The following HYCC2 variants were observed in gnomAD, a reference collection of about 807,000 sequenced individuals.
The protein encoded by HYCC2 is hyccin PI4KA lipid kinase complex subunit 2, also known as hyccin 2.
At chr2:201,067,939 T>A in the HYCC2 span, among the ~76,000 whole-genome samples, 2 of 152,098 alleles carry the variant, frequency 1.3e-5, no homozygotes, top group Non-Finnish European at 2.9e-5. Context: ...ACCAAAACAT[T>A]CAGCACAATT....
the HYCC2 span, chr2:200,975,009 A>G: frequency 6.6e-6 from 1 of 151,976 alleles, no homozygotes; most frequent in Non-Finnish European, 1.5e-5. Context: ...TATACAATAT[A>G]CCAATTTTAG....
the HYCC2 span, among the ~76,000 whole-genome samples, chr2:201,008,665 CAGG>C: frequency 1.3e-5 from 2 of 151,930 alleles, no homozygotes; most frequent in Non-Finnish European, 2.9e-5. Flanking sequence ...GAGGCTGAGG[CAGG>C]AGAAGTGCTT....
chr2:201,036,594 C>T, the HYCC2 span, among the ~76,000 whole-genome samples: 29 of 152,258 alleles, frequency 1.9e-4, no homozygotes, highest in South Asian at 1.7e-3. Context: ...GTTCAACAAA[C>T]GCAAATCAAT....
the HYCC2 span, among the ~76,000 whole-genome samples, chr2:201,010,262 T>G: frequency 6.6e-6 from 1 of 152,218 alleles, no homozygotes; most frequent in African/African-American, 2.4e-5. Flanking sequence ...GACATTCTAT[T>G]TTAAACACAA....
chr2:200,992,484 G>A, the HYCC2 span: 1 of 733,076 alleles, frequency 1.4e-6, no homozygotes. Flanking sequence ...CATACCAAGT[G>A]TTACGTCATT....
chr2:201,021,994 CT>C, the HYCC2 span: 1 of 999,212 alleles, frequency 1.0e-6, no homozygotes, highest in South Asian at 1.3e-5. Flanking sequence ...AATAAGCAAG[CT>C]TTTAGTGGTA....
the HYCC2 span, chr2:201,017,225 GTTT>G: frequency 7.5e-6 from 8 of 1,067,858 alleles, no homozygotes; most frequent in South Asian, 1.9e-5. Context: ...TGTAACTGTT[GTTT>G]TTTTTTTTTT....
chr2:201,005,855 C>T, the HYCC2 span, among the ~76,000 whole-genome samples: 216 of 152,064 alleles, frequency 1.4e-3, no homozygotes, highest in Middle Eastern at 3.4e-3. Flanking sequence ...TTTTCTGAGA[C>T]GGAGTTTCAC....
chr2:201,014,514 T>A, the HYCC2 span, among the ~76,000 whole-genome samples: 1 of 152,214 alleles, frequency 6.6e-6, no homozygotes, highest in Non-Finnish European at 1.5e-5. Flanking sequence ...CTACTAACAA[T>A]GTTTTCTTTT....
chr2:201,042,399 G>T, the HYCC2 span, among the ~76,000 whole-genome samples: 1 of 151,766 alleles, frequency 6.6e-6, no homozygotes, highest in South Asian at 2.1e-4. Flanking sequence ...AGTGAGGAGC[G>T]TCTCTGCCCG....
At chr2:201,023,872 A>G in the HYCC2 span, 1 of 1,001,368 alleles carries the variant, frequency 1.0e-6, no homozygotes, top group Non-Finnish European at 1.6e-6. Context: ...CATAGAGCAC[A>G]TAATGTTTCT....
chr2:201,065,442 T>C, the HYCC2 span, among the ~76,000 whole-genome samples: 1 of 152,224 alleles, frequency 6.6e-6, no homozygotes, highest in Non-Finnish European at 1.5e-5. Context: ...TCAGTTTCTC[T>C]GGAACAAATG....
the HYCC2 span, chr2:201,071,600 C>T: frequency 2.6e-5 from 4 of 153,028 alleles, no homozygotes; most frequent in Admixed American, 6.5e-5. Context: ...AAGACAGCAC[C>T]GCCGCCTACC....
the HYCC2 span, chr2:201,016,929 G>A: frequency 6.7e-7 from 1 of 1,493,852 alleles, no homozygotes; most frequent in Non-Finnish European, 9.2e-7. Context: ...CATTCCTTAA[G>A]TATTATTTCA....
chr2:200,989,918 A>T, the HYCC2 span, among the ~76,000 whole-genome samples: 1 of 152,220 alleles, frequency 6.6e-6, no homozygotes, highest in Non-Finnish European at 1.5e-5. Context: ...AAAATATTAC[A>T]AAAAGCTTAG....
chr2:201,063,482 G>A, the HYCC2 span: 3 of 1,592,036 alleles, frequency 1.9e-6, no homozygotes, highest in African/African-American at 2.7e-5. Context: ...TGGAAAAATT[G>A]AAGTGATTGA....
the HYCC2 span, among the ~76,000 whole-genome samples, chr2:201,004,446 T>C: frequency 6.6e-6 from 1 of 152,196 alleles, no homozygotes; most frequent in Non-Finnish European, 1.5e-5. Flanking sequence ...TTTTGTACCC[T>C]CTGAGGCATA....
chr2:201,066,078 C>CTTTTTTTTTTTTTTTT, the HYCC2 span, among the ~76,000 whole-genome samples: 1 of 146,148 alleles, frequency 6.8e-6, no homozygotes, highest in Non-Finnish European at 1.5e-5. Context: ...GTTTTCTTTT[C>CTTTTTTTTTTTTTTTT]TTTTTTTTTT....
At chr2:201,032,695 C>T in the HYCC2 span, among the ~76,000 whole-genome samples, 17 of 152,058 alleles carry the variant, frequency 1.1e-4, no homozygotes, top group African/African-American at 3.9e-4. Context: ...AGGTCTCTGT[C>T]ACCTCAGCTG....
Sources: gnomAD v4.1 joint callset for allele counts (sites outside exome capture counted in the v4.1 genomes callset) on GRCh38, gnomAD v4.1.1 for gene constraint, MANE v1.5 for transcripts, NCBI Gene and HGNC (gene_info 2026-07-23, HGNC 2026-07-21) for gene names.